Variants in PRKD3 observed in about 807,000 individuals in gnomAD.
PRKD3 encodes serine/threonine-protein kinase D3.
PRKD3 carries 47 observed loss-of-function variants against 99.2 expected under a neutral mutation model. The ratio of observed to expected loss-of-function variants is 0.47; its 90% CI spans 0.38 to 0.60. PRKD3 has a LOEUF of 0.60. Among genes scored for constraint, PRKD3 ranks in the 20% least tolerant of loss-of-function variants. The pLI, the probability that PRKD3 is intolerant of heterozygous loss-of-function variation, is 0.00. For synonymous variants in PRKD3, 392 were observed against 355.4 expected (o/e 1.10, Z -1.16); for missense variants, 1,019 against 1,088.4 (o/e 0.94, Z 0.90).
chr2:37,321,722 G>T (rs1671891637), intron 1 of PRKD3, among the ~76,000 whole-genome samples: 1 of 152,208 alleles, frequency 6.6e-6, no homozygotes, highest in South Asian at 2.1e-4. Flanking sequence ...TAAACTGCAA[G>T]AGGTGATATG....
chr2:37,271,401 TAA>T (rs1206862878), intron 12 of PRKD3, among the ~76,000 whole-genome samples: 2 of 152,198 alleles, frequency 1.3e-5, no homozygotes, highest in African/African-American at 4.8e-5. Flanking sequence ...GGTCCATAAA[TAA>T]AGTTTTATTG....
At chr2:37,289,096 T>G (rs1452266474) in intron 5 of PRKD3, among the ~76,000 whole-genome samples, 1 of 143,104 alleles carries the variant, frequency 7.0e-6, no homozygotes, top group Non-Finnish European at 1.6e-5. Context: ...AAAAAAAGAT[T>G]TAAGTATGGA....
At chr2:37,285,942 G>A (rs1670073349) in intron 6 of PRKD3, among the ~76,000 whole-genome samples, 1 of 152,094 alleles carries the variant, frequency 6.6e-6, no homozygotes, top group Non-Finnish European at 1.5e-5. Flanking sequence ...TTTGAAGACT[G>A]AGCATGTAAA....
At chr2:37,324,033 T>C (rs1302320998) in intron 1 of PRKD3, among the ~76,000 whole-genome samples, 1 of 152,196 alleles carries the variant, frequency 6.6e-6, no homozygotes, top group Non-Finnish European at 1.5e-5. Context: ...CAGTAGTATA[T>C]GGTTATTTTC....
chr2:37,302,171 G>A (rs1295327626), intron 2 of PRKD3, among the ~76,000 whole-genome samples: 1 of 152,184 alleles, frequency 6.6e-6, no homozygotes, highest in Non-Finnish European at 1.5e-5. Flanking sequence ...GGAAATTAAA[G>A]AAATAACTAA....
chr2:37,272,191 G>A (rs1669310658), intron 12 of PRKD3, among the ~76,000 whole-genome samples, 189 bp downstream of exon 12: 1 of 152,074 alleles, frequency 6.6e-6, no homozygotes, highest in Non-Finnish European at 1.5e-5. Context: ...GAAAAAGTTA[G>A]CTTTATTTTT....
chr2:37,262,836 A>G (rs891902776), intron 14 of PRKD3, among the ~76,000 whole-genome samples: 6 of 151,772 alleles, frequency 4.0e-5, no homozygotes, highest in African/African-American at 1.5e-4. Context: ...AGAATTACCC[A>G]TTTTCTCCAA....
chr2:37,296,274 ATAAATATAACCTTCT>A lies in PRKD3; in HGVS notation c.289-3018_289-3004del, dbSNP rs1670670079. Reference sequence around the variant, plus strand: ...ATAATTAATGTATGACTTGGAAAAAATAAATATAACCTTCTTAATAAACACATGGCCTAATGAAAA... The same window carrying A: ...ATAATTAATGTATGACTTGGAAAAAATAATAAACACATGGCCTAATGAAAA... On this transcript the variant is annotated intron_variant, in intron 2 of 18. Transcript: ENST00000234179. Among the ~76,000 whole-genome samples, 5 of 152,342 alleles carry A rather than the reference ATAAATATAACCTTCT, an allele frequency of 3.3e-5. No individual in the cohort carries two copies. In the South Asian group the frequency reaches 1.0e-3, roughly 32 times the overall value.
intron 17 of PRKD3, among the ~76,000 whole-genome samples, chr2:37,255,020 T>C (rs1240353094): frequency 6.6e-6 from 1 of 152,242 alleles, no homozygotes; most frequent in Non-Finnish European, 1.5e-5. Context: ...AACAAAAGGC[T>C]AGACCCAGAC....
rs1553368382 is a variant in PRKD3, at chr2:37,267,521, G to A, written c.1793C>T (p.Thr598Ile). Residue 598 changes from threonine to isoleucine, a missense_variant, in exon 14 of 19, where the codon ACT (threonine) becomes ATT (isoleucine). Physicochemically the swap from Thr to Ile is moderately conservative, Grantham distance 89. Around this residue, in one of 3 missense-constraint regions of PRKD3, gnomAD observed 184 missense variants for 275.1 expected, o/e 0.67. Transcript: ENST00000234179. ...GIVYGGKHRK[T>I]GRDVAIKVID... is the part of the protein sequence containing the mutation. ...TACTTTAATAGCCACATCCCTCCCA[G>A]TCTTTCTATGTTTTCCTATTAAGAA... 2 of 1,605,400 alleles carry A rather than the reference G, an allele frequency of 1.2e-6. No individual in the cohort carries two copies. The highest frequency in any genetic ancestry group is 2.2e-5 in the South Asian group (2 of 89,544).
intron 2 of PRKD3, among the ~76,000 whole-genome samples, chr2:37,306,635 C>T (rs1458908265): frequency 6.6e-6 from 1 of 151,978 alleles, no homozygotes; most frequent in Non-Finnish European, 1.5e-5. Context: ...ATGGTGAAAC[C>T]CCATCTGTAC....
intron 2 of PRKD3, among the ~76,000 whole-genome samples, chr2:37,306,795 C>T (rs778449679): frequency 5.3e-5 from 8 of 152,110 alleles, no homozygotes; most frequent in Non-Finnish European, 1.0e-4. Context: ...GGTGACAGAG[C>T]AAGATCCTGT....
Position 37,310,681 on chromosome 2 carries a change from T to C in PRKD3, c.288+5556A>G, listed in dbSNP as rs59158872. On this transcript the variant is annotated intron_variant, in intron 2 of 18. Coordinates refer to ENST00000234179, the MANE Select transcript of PRKD3 (RefSeq NM_005813.6). ...GAATGTTAAAATACAATGTGTTGGA[T>C]AGGATGCCAACATCCATACAGAAAA... 2.6e-5 allele frequency among the ~76,000 whole-genome samples: 4 copies of C among 152,264 alleles called. No homozygotes were observed. In the East Asian group the frequency reaches 7.7e-4, roughly 29 times the overall value.
chr2:37,281,185 G>T (rs1287208989), intron 7 of PRKD3, among the ~76,000 whole-genome samples: 2 of 152,086 alleles, frequency 1.3e-5, no homozygotes, highest in Non-Finnish European at 2.9e-5. Context: ...TTGATTACTA[G>T]TGAGTTTGAA....
chr2:37,276,819 T>TACATATATAC (rs202242486), intron 9 of PRKD3, among the ~76,000 whole-genome samples: 20,790 of 145,630 alleles, frequency 0.14, 1,775 homozygotes, highest in East Asian at 0.34. Context: ...CACATATATA[T>TACATATATAC]ACATATATAT....
At position 37,316,400 on chromosome 2, in the gene PRKD3, T is replaced by C. The variant is rs757981196; in HGVS notation, c.125A>G (p.Asn42Ser). The change falls in exon 2 of 19, where the codon AAT becomes AGT. Residue 42 changes from asparagine (N) to serine (S), a missense_variant. Around this residue, in one of 3 missense-constraint regions of PRKD3, gnomAD observed 710 missense variants for 692.7 expected, o/e 1.02. Coordinates refer to ENST00000234179, the MANE Select transcript of PRKD3 (RefSeq NM_005813.6). ...PKTGLSARLS[N>S]GSFSAPSLTN... ...GAGTGATGGTGCACTGAAGCTTCCA[T>C]TAGAGAGTCGGGCAGAGAGTCCCGT... 4 of 1,614,172 alleles carry C rather than the reference T, an allele frequency of 2.5e-6. No individual in the cohort carries two copies. Among genetic ancestry groups the C allele is most frequent in the Non-Finnish European group, 3.4e-6 (4 of 1,180,038 alleles).
At position 37,317,072 on chromosome 2, in the gene PRKD3, T is replaced by C. The variant is rs1671699627; in HGVS notation, c.-548A>G. 1 of 985,652 alleles carries C rather than the reference T, an allele frequency of 1.0e-6. No individual in the cohort carries two copies. The highest frequency in any genetic ancestry group is 1.2e-6 in the Non-Finnish European group (1 of 830,090). 61.1% of individuals were successfully genotyped at this position (985,652 alleles called of 1,614,324 possible). ...TGTCCTCATTTTCATTCTGGGGGGA[T>C]GAACTTTTCTATGACGAAATACAAA... On this transcript the variant is annotated 5_prime_UTR_variant, in exon 2 of 19. Transcript: ENST00000234179.
At chr2:37,306,516 A>ACC (rs1257423930) in intron 2 of PRKD3, among the ~76,000 whole-genome samples, 1 of 152,208 alleles carries the variant, frequency 6.6e-6, no homozygotes, top group Admixed American at 6.5e-5. Flanking sequence ...GTGCACTGTT[A>ACC]AACAAAAATG....
chr2:37,272,822 A>C (rs866899533), intron 11 of PRKD3, among the ~76,000 whole-genome samples: 5 of 152,078 alleles, frequency 3.3e-5, no homozygotes, highest in South Asian at 2.1e-4. Flanking sequence ...TATCTCTAAA[A>C]AAATTTTAAA....
Sources: allele counts gnomAD v4.1 joint callset (sites outside exome capture counted in the v4.1 genomes callset), GRCh38; gene constraint gnomAD v4.1.1; regional missense constraint gnomAD v4.1.1; transcripts MANE v1.5; gene names NCBI Gene and HGNC (gene_info 2026-07-23, HGNC 2026-07-21).